CYRIA: variants seen among roughly 807,000 people sequenced by gnomAD.
CYRIA encodes the protein CYFIP related Rac1 interactor A, also known as CYFIP-related Rac1 interactor A.
A neutral mutation model predicts 43.9 loss-of-function variants in CYRIA; 15 were observed. The ratio of observed to expected loss-of-function variants is 0.34; its 90% CI spans 0.23 to 0.53. The LOEUF (loss-of-function observed/expected upper bound fraction) is 0.53, where lower values mean the gene tolerates loss of function less well. Ranked by LOEUF, CYRIA falls within the 20% of genes least tolerant of loss-of-function variation. The probability of loss-of-function intolerance (pLI) is 0.94; values close to 1 mark genes in which losing one functional copy is unlikely to be tolerated. For synonymous variants in CYRIA, 117 were observed against 136.0 expected (o/e 0.86, Z 0.97); for missense variants, 236 against 394.2 (o/e 0.60, Z 3.40).
chr2:16,653,662 C>T (rs892409479), intron 1 of CYRIA, among the ~76,000 whole-genome samples: 1 of 152,146 alleles, frequency 6.6e-6, no homozygotes, highest in Non-Finnish European at 1.5e-5. Context: ...CAGAGAAGTG[C>T]ACAACTCATT....
rs1172010050 is a variant in CYRIA, at chr2:16,550,828, C to T, written c.*2108G>A. ...CACTTGATAGAGGGGGAGAAATTGACCCAATGATGATAAATATTGTGTGGT... is the reference window on the plus strand; with the variant it reads ...CACTTGATAGAGGGGGAGAAATTGATCCAATGATGATAAATATTGTGTGGT... On this transcript the variant is annotated 3_prime_UTR_variant, in exon 12 of 12. Transcript: ENST00000381323. 3 of 152,042 alleles carry T rather than the reference C, an allele frequency of 2.0e-5. No homozygotes were observed. Among genetic ancestry groups the T allele is most frequent in the Non-Finnish European group, 4.4e-5 (3 of 68,010 alleles). 9.4% of individuals were successfully genotyped at this position (152,042 alleles called of 1,614,324 possible).
intron 1 of CYRIA, among the ~76,000 whole-genome samples, chr2:16,652,719 C>T (rs1028745274): frequency 2.0e-4 from 30 of 152,156 alleles, no homozygotes; most frequent in African/African-American, 6.5e-4. Context: ...TTCCAGCCTT[C>T]GGTCAGTTTT....
rs1666838599 is a variant in CYRIA at position 16,563,981 on chromosome 2, A to G, written c.298+8T>C. ...TGTGGGCCATGAAAACTACAAATAC[A>G]TACTCACCTAGTCTAATGGAAAACT... On this transcript the variant is annotated splice_region_variant and intron_variant, in intron 5 of 11. Coordinates refer to ENST00000381323, the MANE Select transcript of CYRIA (RefSeq NM_030797.4). 6.2e-7 allele frequency: 1 copy of G among 1,602,586 alleles called. No homozygotes were observed. The highest frequency in any genetic ancestry group is 8.5e-7 in the Non-Finnish European group (1 of 1,170,664).
At position 16,565,884 on chromosome 2, in the gene CYRIA, T is replaced by C. The variant is rs1457484186; in HGVS notation, c.71-117A>G. Reference sequence around the variant, plus strand: ...CTATCATATTCCTGCTGCTCTGGTATTTACTCTTTAACCTAATAAGCTGCT... The same window carrying C: ...CTATCATATTCCTGCTGCTCTGGTACTTACTCTTTAACCTAATAAGCTGCT... On this transcript the variant is annotated intron_variant, in intron 3 of 11. Transcript: ENST00000381323. 8.8e-6 allele frequency: 9 copies of C among 1,019,474 alleles called. No individual in the cohort carries two copies. In the African/African-American group the frequency reaches 9.7e-5, roughly 11 times the overall value. The allele number at this position is 1,019,474 out of a possible 1,614,324, so 63.2% of individuals were successfully genotyped here.
intron 2 of CYRIA, among the ~76,000 whole-genome samples, chr2:16,599,677 G>A (rs538535168): frequency 1.3e-5 from 2 of 150,754 alleles, no homozygotes; most frequent in African/African-American, 4.9e-5. Flanking sequence ...TGGAAATGCA[G>A]AAATCACCCG....
chr2:16,588,641 A>G (rs1356782951), intron 2 of CYRIA, among the ~76,000 whole-genome samples: 1 of 152,140 alleles, frequency 6.6e-6, no homozygotes, highest in Non-Finnish European at 1.5e-5. Flanking sequence ...CGGCATTTTA[A>G]AAATACCTGT....
At chr2:16,656,359 A>G (rs1205495163) in intron 1 of CYRIA, among the ~76,000 whole-genome samples, 2 of 152,014 alleles carry the variant, frequency 1.3e-5, no homozygotes, top group African/African-American at 4.8e-5. Flanking sequence ...CAAACCACAC[A>G]CATCATACTT....
At chr2:16,557,933 G>A (rs1300963166) in intron 10 of CYRIA, among the ~76,000 whole-genome samples, 6 of 152,072 alleles carry the variant, frequency 3.9e-5, no homozygotes, top group Non-Finnish European at 1.5e-5. Context: ...TCAATCTATA[G>A]TATGAAAATG....
chr2:16,557,888 C>A (rs1666583863), intron 10 of CYRIA, among the ~76,000 whole-genome samples: 1 of 152,004 alleles, frequency 6.6e-6, no homozygotes, highest in Non-Finnish European at 1.5e-5. Context: ...TGAACTCAAC[C>A]CATAGTCAAA....
chr2:16,616,089 C>T (rs1022675637), intron 2 of CYRIA, among the ~76,000 whole-genome samples: 4 of 152,166 alleles, frequency 2.6e-5, no homozygotes, highest in East Asian at 1.9e-4. Context: ...CTCAAGGGGA[C>T]GAGGCCAGCC....
At chr2:16,629,812 C>T (rs1391923691) in intron 1 of CYRIA, among the ~76,000 whole-genome samples, 1 of 152,172 alleles carries the variant, frequency 6.6e-6, no homozygotes, top group Non-Finnish European at 1.5e-5. Context: ...TATCTTCTTA[C>T]GGGTTACCAT....
chr2:16,570,791 A>G (rs1320410387), intron 3 of CYRIA, among the ~76,000 whole-genome samples: 3 of 152,254 alleles, frequency 2.0e-5, no homozygotes, highest in South Asian at 4.2e-4. Flanking sequence ...ACACACCAAC[A>G]ATGTTACTGG....
Position 16,652,720 on chromosome 2 carries a change from G to C in CYRIA, c.-167+13060C>G, listed in dbSNP as rs190840633. Among the ~76,000 whole-genome samples the C allele has an allele frequency of 8.3e-4, 126 of 152,184 alleles. 3 individuals are homozygous for C. The highest frequency in any genetic ancestry group is 7.0e-3 in the Admixed American group (107 of 15,294). On this transcript the variant is annotated intron_variant, in intron 1 of 11. Coordinates refer to ENST00000381323, the MANE Select transcript of CYRIA (RefSeq NM_030797.4). Reference sequence around the variant, plus strand: ...CGAGAGCTTCCCTGTTCCAGCCTTCGGTCAGTTTTTATAAACACCAGTCCC... The same window carrying C: ...CGAGAGCTTCCCTGTTCCAGCCTTCCGTCAGTTTTTATAAACACCAGTCCC...
chr2:16,576,549 C>T (rs1258127738), intron 3 of CYRIA, among the ~76,000 whole-genome samples: 1 of 152,136 alleles, frequency 6.6e-6, no homozygotes, highest in African/African-American at 2.4e-5. Context: ...TATCTTTTCT[C>T]AGATCAAATT....
chr2:16,665,020 G>A (rs185187452), intron 1 of CYRIA, among the ~76,000 whole-genome samples: 111 of 152,246 alleles, frequency 7.3e-4, no homozygotes, highest in African/African-American at 2.4e-3. Context: ...CTGGTCTCTG[G>A]GGACACTGGC....
intron 1 of CYRIA, among the ~76,000 whole-genome samples, chr2:16,651,559 T>TC (rs911429853): frequency 2.3e-4 from 35 of 152,276 alleles, no homozygotes; most frequent in African/African-American, 8.4e-4. Context: ...TGAACATGGG[T>TC]CCCGCACAGG....
At chr2:16,631,083 C>G (rs558968050) in intron 1 of CYRIA, among the ~76,000 whole-genome samples, 107 of 152,336 alleles carry the variant, frequency 7.0e-4, no homozygotes, top group African/African-American at 2.5e-3. Flanking sequence ...TCAGTCACTA[C>G]TGTCAGATCC....
intron 1 of CYRIA, among the ~76,000 whole-genome samples, chr2:16,651,306 A>AT (rs1669970253): frequency 6.6e-6 from 1 of 152,210 alleles, no homozygotes; most frequent in Non-Finnish European, 1.5e-5. Flanking sequence ...TTATACTGTC[A>AT]TATCAACTAC....
At chr2:16,643,081 T>C (rs1286478353) in intron 1 of CYRIA, among the ~76,000 whole-genome samples, 1 of 150,964 alleles carries the variant, frequency 6.6e-6, no homozygotes, top group Non-Finnish European at 1.5e-5. Context: ...ACTTTTTTCT[T>C]AATGTTATTA....
Sources: allele counts gnomAD v4.1 joint callset (sites outside exome capture counted in the v4.1 genomes callset), GRCh38; gene constraint gnomAD v4.1.1; transcripts MANE v1.5; gene names NCBI Gene and HGNC (gene_info 2026-07-23, HGNC 2026-07-21).